PTK2: variants seen among roughly 807,000 people sequenced by gnomAD.
The protein encoded by PTK2 is protein tyrosine kinase 2.
Under a neutral mutation model 150.1 loss-of-function variants are expected in PTK2, and 45 were observed. That is an observed-to-expected ratio of 0.30 (90% CI 0.24 to 0.38). The LOEUF (loss-of-function observed/expected upper bound fraction) is 0.38, where lower values mean the gene tolerates loss of function less well. Ranked by LOEUF, PTK2 falls within the 10% of genes least tolerant of loss-of-function variation. PTK2 has a pLI of 1.00. For missense variants in PTK2, 919 were observed against 1,307.3 expected, an observed-to-expected ratio of 0.70 and a Z score of 4.58; for synonymous variants, 432 against 449.2, an observed-to-expected ratio of 0.96 and a Z score of 0.48.
At chr8:140,668,674 A>G in intron 29 of PTK2, 2 of 342,502 alleles carry the variant, frequency 5.8e-6, no homozygotes, top group East Asian at 1.0e-4. Context: ...CATACATATT[A>G]TACTAAAAAC....
At chr8:140,785,439 T>C (rs990267353) in intron 14 of PTK2, among the ~76,000 whole-genome samples, 4 of 152,224 alleles carry the variant, frequency 2.6e-5, no homozygotes, top group African/African-American at 9.6e-5. Flanking sequence ...TTTAGGACTA[T>C]GCATAAGAGA....
chr8:140,669,733 T>C (rs1196737513), intron 29 of PTK2: 13 of 1,533,980 alleles, frequency 8.5e-6, no homozygotes, highest in Non-Finnish European at 1.1e-5. Flanking sequence ...TTACCCTCCA[T>C]GGCTATTGTC....
chr8:140,673,028 A>C (rs2100011530), intron 29 of PTK2, among the ~76,000 whole-genome samples: 1 of 152,170 alleles, frequency 6.6e-6, no homozygotes, highest in Non-Finnish European at 1.5e-5. Flanking sequence ...AATGGTGGTT[A>C]TTGGTAAAGC....
At chr8:140,986,385 T>C (rs2100193252) in intron 1 of PTK2, among the ~76,000 whole-genome samples, 1 of 152,172 alleles carries the variant, frequency 6.6e-6, no homozygotes, top group African/African-American at 2.4e-5. Context: ...TGAAAAAGAC[T>C]AAAAGAAAAT....
intron 4 of PTK2, 172 bp downstream of exon 4, chr8:140,879,299 T>C: frequency 1.8e-6 from 1 of 563,004 alleles, no homozygotes. Context: ...AAAGCTAGAC[T>C]AGAGGTCTAG....
chr8:140,694,605 C>A (rs916610033), intron 26 of PTK2, among the ~76,000 whole-genome samples: 1 of 152,098 alleles, frequency 6.6e-6, no homozygotes, highest in Non-Finnish European at 1.5e-5. Context: ...CCTGATTAAC[C>A]TAAAAGTAGG....
At position 140,675,658 on chromosome 8, in the gene PTK2, G is replaced by A. The variant is rs28442177; in HGVS notation, c.2563-159C>T. On this transcript the variant is annotated intron_variant, in intron 27 of 31. Coordinates refer to ENST00000522684, the Ensembl canonical transcript of PTK2. Reference sequence around the variant, plus strand: ...TTCTGCATAAGGTCTCAGTTGGGGTGGGGGATCAGGCAAATAAGCAAATGA... The same window carrying A: ...TTCTGCATAAGGTCTCAGTTGGGGTAGGGGATCAGGCAAATAAGCAAATGA... The A allele has an allele frequency of 9.0e-3, 5,332 of 595,694 alleles. 220 individuals carry two copies. Among genetic ancestry groups the A allele is most frequent in the African/African-American group, 0.089 (4,764 of 53,484 alleles). 36.9% of individuals were successfully genotyped at this position (595,694 alleles called of 1,614,324 possible).
chr8:140,752,225 C>T lies in PTK2; in HGVS notation c.1417+7G>A. 6.2e-7 allele frequency: 1 copy of T among 1,608,612 alleles called. No homozygotes were observed. The highest frequency in any genetic ancestry group is 8.5e-7 in the Non-Finnish European group (1 of 1,175,506). ...ATGGAGTTCCACAGAAATTTCTAGA[C>T]ACTTACAGGCTTCTTGAAGAAATTT... On this transcript the variant is annotated splice_region_variant and intron_variant, in intron 17 of 31. Transcript: ENST00000522684.
chr8:140,709,385 T>C (rs976107546), intron 23 of PTK2, among the ~76,000 whole-genome samples: 24 of 152,312 alleles, frequency 1.6e-4, no homozygotes, highest in African/African-American at 4.8e-4. Context: ...GACAAAATAT[T>C]TGCACAAAGG....
exon 18 of PTK2, chr8:140,746,807 T>A (rs769453941): frequency 6.2e-7 from 1 of 1,613,754 alleles, no homozygotes; most frequent in Non-Finnish European, 8.5e-7. Context: ...GGATTCTCTG[T>A]GATGACTCCA....
chr8:140,880,339 A>T (rs866680073), intron 3 of PTK2, among the ~76,000 whole-genome samples: 2 of 152,188 alleles, frequency 1.3e-5, no homozygotes, highest in African/African-American at 4.8e-5. Flanking sequence ...AGATGGTGAA[A>T]TTTCTCCTGG....
intron 16 of PTK2, among the ~76,000 whole-genome samples, chr8:140,759,530 TAAA>T (rs761643170): frequency 1.4e-4 from 8 of 58,070 alleles, no homozygotes; most frequent in African/African-American, 5.5e-4. Flanking sequence ...GACCCTGTCC[TAAA>T]AAAAAAAAAA....
At chr8:140,999,414 C>A (rs188589724) in intron 1 of PTK2, among the ~76,000 whole-genome samples, 1 of 152,272 alleles carries the variant, frequency 6.6e-6, no homozygotes, top group Admixed American at 6.5e-5. Context: ...GTTTAATAAA[C>A]AAGAAGGTTC....
Position 140,830,347 on chromosome 8 carries a change from T to A in PTK2, c.648+125A>T, listed in dbSNP as rs112404302. 1.3e-3 allele frequency: 834 copies of A among 635,656 alleles called. 8 individuals carry two copies. The African/African-American group carries it at 0.015, about 11-fold the overall frequency. 39.4% of individuals were successfully genotyped at this position (635,656 alleles called of 1,614,324 possible). A position where few individuals can be genotyped will look rare whatever the true frequency, so the allele number is the denominator to read the frequency against. On this transcript the variant is annotated intron_variant, in intron 8 of 31. Transcript: ENST00000522684. ...GTGACTAGAATAAATGTCAGCTTTTTAAATTATATATTTTACATGTAAGGA... is the reference window on the plus strand; with the variant it reads ...GTGACTAGAATAAATGTCAGCTTTTAAAATTATATATTTTACATGTAAGGA...
chr8:140,939,842 T>G lies in PTK2; in HGVS notation c.-121-14093A>C, dbSNP rs575613691. On this transcript the variant is annotated intron_variant, in intron 1 of 31. Transcript: ENST00000522684. Reference sequence around the variant, plus strand: ...TTAGTGATAATCTCGATGTCACAAATTAAGAAAGAAAGATACCTTTTAAAA... The same window carrying G: ...TTAGTGATAATCTCGATGTCACAAAGTAAGAAAGAAAGATACCTTTTAAAA... 3.9e-5 allele frequency among the ~76,000 whole-genome samples: 6 copies of G among 152,296 alleles called. 1 individual carries two copies. The South Asian group carries it at 1.2e-3, about 32-fold the overall frequency.
chr8:140,713,290 T>C (rs887598999), intron 23 of PTK2, among the ~76,000 whole-genome samples: 2 of 152,196 alleles, frequency 1.3e-5, no homozygotes, highest in Non-Finnish European at 2.9e-5. Context: ...AGACAGAGTC[T>C]TGCTCTGTCT....
intron 23 of PTK2, among the ~76,000 whole-genome samples, chr8:140,709,440 C>T (rs2100035574): frequency 2.0e-5 from 3 of 152,162 alleles, no homozygotes; most frequent in Admixed American, 2.0e-4. Flanking sequence ...ATGGAGAGTG[C>T]AAATGTATTG....
intron 14 of PTK2, 45 bp downstream of exon 15, chr8:140,770,671 G>A (rs538940321): frequency 1.9e-6 from 2 of 1,043,790 alleles, no homozygotes; most frequent in Non-Finnish European, 1.3e-6. Flanking sequence ...TTTCTCTGGA[G>A]TGCTCTGGTT....
At chr8:140,689,887 CAG>C (rs1380999892) in intron 26 of PTK2, among the ~76,000 whole-genome samples, 3 of 152,190 alleles carry the variant, frequency 2.0e-5, no homozygotes, top group Admixed American at 1.3e-4. Context: ...GGGCTCTAAA[CAG>C]AGAGTGGAGG....
Sources: allele counts gnomAD v4.1 joint callset (sites outside exome capture counted in the v4.1 genomes callset), GRCh38; gene constraint gnomAD v4.1.1; transcripts MANE v1.5; gene names NCBI Gene and HGNC (gene_info 2026-07-23, HGNC 2026-07-21).